RBFOX1: variants seen among roughly 807,000 people sequenced by gnomAD.
RBFOX1 encodes RNA binding fox-1 homolog 1.
A neutral mutation model predicts 57.7 loss-of-function variants in RBFOX1; 8 were observed. The ratio of observed to expected loss-of-function variants is 0.14; its 90% CI spans 0.08 to 0.25. RBFOX1 has a LOEUF of 0.25. RBFOX1 is among the 10% of genes least tolerant of loss of function. The pLI, the probability that RBFOX1 is intolerant of heterozygous loss-of-function variation, is 1.00. For missense variants in RBFOX1, 611 were observed against 548.5 expected (o/e 1.11, Z -1.14); for synonymous variants, 326 against 222.4 (o/e 1.47, Z -4.15).
Position 7,688,132 on chromosome 16 carries a change from C to T in RBFOX1, c.995+11294C>T, listed in dbSNP as rs145558421. On this transcript the variant is annotated intron_variant, in intron 14 of 15. Transcript: ENST00000550418. ...GAATTGGATTTTGTCCCACTGCTAT[C>T]CTGGGGCATCTTGGCTGCCATCTAC... Among the ~76,000 whole-genome samples, 473 of 152,048 alleles carry T rather than the reference C, an allele frequency of 3.1e-3. 1 individual carries two copies. The highest frequency in any genetic ancestry group is 4.9e-3 in the Non-Finnish European group (331 of 67,944).
intron 3 of RBFOX1, among the ~76,000 whole-genome samples, chr16:6,830,873 C>G (rs1307517365): frequency 2.6e-5 from 4 of 152,164 alleles, no homozygotes; most frequent in Non-Finnish European, 5.9e-5. Flanking sequence ...GATAGTAACT[C>G]TCCCACCTCC....
At chr16:6,749,631 C>G (rs370013651) in intron 3 of RBFOX1, among the ~76,000 whole-genome samples, 1 of 152,138 alleles carries the variant, frequency 6.6e-6, no homozygotes. Flanking sequence ...CATTCTTCAT[C>G]TCCTGGAGTG....
intron 3 of RBFOX1, among the ~76,000 whole-genome samples, chr16:6,751,126 A>C (rs2074856976): frequency 6.6e-6 from 1 of 152,190 alleles, no homozygotes; most frequent in South Asian, 2.1e-4. Flanking sequence ...TAGCAGATAA[A>C]GGCCAGGTCC....
At chr16:6,224,218 G>GT (rs35419007) in intron 1 of RBFOX1, among the ~76,000 whole-genome samples, 74,273 of 150,186 alleles carry the variant, frequency 0.49, 18,653 homozygotes, top group Middle Eastern at 0.58. Context: ...CTTTAAAGTA[G>GT]TTATTTTTTT....
intron 4 of RBFOX1, among the ~76,000 whole-genome samples, chr16:7,443,058 A>C (rs2098781411): frequency 1.3e-5 from 2 of 152,224 alleles, no homozygotes; most frequent in South Asian, 4.1e-4. Flanking sequence ...ATTCGTATCA[A>C]AACCACAAAC....
chr16:7,361,128 A>C (rs1438963465), intron 4 of RBFOX1, among the ~76,000 whole-genome samples: 1 of 152,104 alleles, frequency 6.6e-6, no homozygotes, highest in East Asian at 1.9e-4. Flanking sequence ...GAAAGTGGAC[A>C]CCTTCCTCCA....
At chr16:6,601,954 A>T (rs191993966) in intron 2 of RBFOX1, among the ~76,000 whole-genome samples, 7 of 152,200 alleles carry the variant, frequency 4.6e-5, no homozygotes, top group Non-Finnish European at 8.8e-5. Flanking sequence ...ATTAATTCAG[A>T]CCATTCAGAT....
chr16:5,632,849 TTTCCGTAAC>T (rs1440113443), intron 3 of RBFOX1, among the ~76,000 whole-genome samples: 3 of 152,056 alleles, frequency 2.0e-5, no homozygotes, highest in Non-Finnish European at 4.4e-5. Flanking sequence ...GCACACAGAA[TTTCCGTAAC>T]TTTCTCCACT....
intron 2 of RBFOX1, among the ~76,000 whole-genome samples, chr16:6,642,101 G>C (rs1207399336): frequency 6.6e-6 from 1 of 152,200 alleles, no homozygotes; most frequent in South Asian, 2.1e-4. Flanking sequence ...TAGGTGCTGG[G>C]GTCTGAGAGA....
rs577318925 is a variant in RBFOX1, at chr16:5,781,891, C to T, written c.319-85412C>T. Among the ~76,000 whole-genome samples the T allele has an allele frequency of 6.6e-5, 10 of 152,324 alleles. No homozygotes were observed. The East Asian group carries it at 1.9e-3, about 29-fold the overall frequency. On this transcript the variant is annotated intron_variant, in intron 3 of 19. Coordinates refer to the RBFOX1 transcript ENST00000641259. ...CCATTGTGCTGCTATAACGAAATGC[C>T]TGAGACAGGGTAATTTATAAAGAAC... is the stretch of plus-strand genomic sequence containing the variant.
Position 6,713,589 on chromosome 16 carries a change from C to G in RBFOX1, c.-16+58939C>G, listed in dbSNP as rs146160354. Among the ~76,000 whole-genome samples, 684 of 152,208 alleles carry G rather than the reference C, an allele frequency of 4.5e-3. 5 individuals carry two copies. The highest frequency in any genetic ancestry group is 0.016 in the African/African-American group (653 of 41,536). On this transcript the variant is annotated intron_variant, in intron 3 of 15. Coordinates refer to ENST00000550418, the MANE Select transcript of RBFOX1 (RefSeq NM_018723.4). ...TCTCTCCAGATATTTTCAAGTGTCC[C>G]TTTGTGGGCAAAAATAAAAATCCTT...
intron 3 of RBFOX1, among the ~76,000 whole-genome samples, chr16:6,934,843 T>A (rs1029460862): frequency 6.6e-6 from 1 of 152,104 alleles, no homozygotes; most frequent in Admixed American, 6.5e-5. Context: ...CCCAGCACTT[T>A]GGAAGGCCGA....
At chr16:7,361,450 T>C (rs1234942595) in intron 4 of RBFOX1, among the ~76,000 whole-genome samples, 7 of 152,194 alleles carry the variant, frequency 4.6e-5, no homozygotes. Flanking sequence ...GGTTTCCTTT[T>C]ACTTGGCTGA....
Position 6,302,348 on chromosome 16 carries a change from G to A in RBFOX1, c.-126-14647G>A, listed in dbSNP as rs2078918545. 3.3e-5 allele frequency among the ~76,000 whole-genome samples: 5 copies of A among 151,840 alleles called. No individual in the cohort carries two copies. The South Asian group carries it at 1.0e-3, about 32-fold the overall frequency. ...CTATTTTTCCTTCATTTCCTTCATT[G>A]TCTGCTTTTCTGGAGCATTGTACCA... On this transcript the variant is annotated intron_variant, in intron 1 of 15. Coordinates refer to ENST00000550418, the MANE Select transcript of RBFOX1 (RefSeq NM_018723.4).
At chr16:6,801,954 T>G (rs1357782571) in intron 3 of RBFOX1, among the ~76,000 whole-genome samples, 1 of 152,006 alleles carries the variant, frequency 6.6e-6, no homozygotes, top group Non-Finnish European at 1.5e-5. Flanking sequence ...TCTAAATGGG[T>G]CTAGGTGCTG....
intron 4 of RBFOX1, among the ~76,000 whole-genome samples, chr16:7,412,174 C>G (rs184816510): frequency 6.6e-4 from 101 of 152,224 alleles, no homozygotes; most frequent in South Asian, 2.9e-3. Context: ...TCGCTCACGG[C>G]TGTAATCCCA....
intron 10 of RBFOX1, among the ~76,000 whole-genome samples, chr16:7,629,441 G>A (rs572570805): frequency 1.3e-5 from 2 of 152,242 alleles, no homozygotes; most frequent in East Asian, 3.9e-4. Context: ...TTCTTATCAT[G>A]GGAGATTGCT....
chr16:5,317,419 C>G (rs1054302547), intron 1 of RBFOX1, among the ~76,000 whole-genome samples: 2 of 152,122 alleles, frequency 1.3e-5, no homozygotes, highest in African/African-American at 4.8e-5. Context: ...GCCAGCCTGG[C>G]CAACATGGTG....
intron 4 of RBFOX1, among the ~76,000 whole-genome samples, chr16:7,501,735 C>G (rs181054147): frequency 2.2e-4 from 33 of 152,322 alleles, no homozygotes; most frequent in African/African-American, 7.9e-4. Context: ...TCCTGCTCTT[C>G]AAGAACATCA....
Sources: gnomAD v4.1 joint callset for allele counts (sites outside exome capture counted in the v4.1 genomes callset) on GRCh38, gnomAD v4.1.1 for gene constraint, MANE v1.5 for transcripts, NCBI Gene and HGNC (gene_info 2026-07-23, HGNC 2026-07-21) for gene names.